Variants in TIAM2 observed in about 807,000 individuals in gnomAD.
The protein encoded by TIAM2 is rho guanine nucleotide exchange factor TIAM2.
TIAM2 carries 80 observed loss-of-function variants against 152.9 expected under a neutral mutation model. That is an observed-to-expected ratio of 0.52 (90% CI 0.44 to 0.63). The LOEUF (loss-of-function observed/expected upper bound fraction) is 0.63, where lower values mean the gene tolerates loss of function less well. TIAM2 is among the 30% of genes least tolerant of loss of function. TIAM2 has a pLI of 0.00. For missense variants in TIAM2, 1,965 were observed against 2,120.1 expected, an observed-to-expected ratio of 0.93 and a Z score of 1.44; for synonymous variants, 804 against 838.0, an observed-to-expected ratio of 0.96 and a Z score of 0.70.
At chr6:155,038,208 G>A (rs1334489335) in intron 1 of TIAM2, among the ~76,000 whole-genome samples, 1 of 152,166 alleles carries the variant, frequency 6.6e-6, no homozygotes, top group Non-Finnish European at 1.5e-5. Flanking sequence ...GCTTTCCTAA[G>A]CCTTCTCGCC....
intron 1 of TIAM2, among the ~76,000 whole-genome samples, chr6:155,065,602 AC>A (rs1400048431): frequency 1.3e-5 from 2 of 151,892 alleles, no homozygotes; most frequent in African/African-American, 4.8e-5. Context: ...ACGTGGCAAA[AC>A]CCCGTCTCTA....
intron 1 of TIAM2, among the ~76,000 whole-genome samples, chr6:155,088,124 C>T (rs1305392213): frequency 6.9e-6 from 1 of 144,306 alleles, no homozygotes; most frequent in African/African-American, 2.6e-5. Context: ...GGCATGATCT[C>T]GTTCACTGCA....
intron 11 of TIAM2, 40 bp downstream of exon 11, chr6:155,179,183 A>G: frequency 2.6e-6 from 4 of 1,547,084 alleles, no homozygotes; most frequent in Middle Eastern, 3.4e-4. Flanking sequence ...ACTGAACCAC[A>G]TCTATGGCCC....
At chr6:155,025,894 G>C in intron 1 of TIAM2, among the ~76,000 whole-genome samples, 1 of 143,876 alleles carries the variant, frequency 7.0e-6, no homozygotes, top group African/African-American at 2.6e-5. Context: ...AAGAAGGGAA[G>C]GAAACATTTG....
intron 2 of TIAM2, among the ~76,000 whole-genome samples, chr6:155,114,281 C>T (rs995513596): frequency 6.6e-6 from 1 of 151,556 alleles, no homozygotes. Flanking sequence ...TCTCAAATTC[C>T]TAATCTCAAG....
chr6:155,023,129 A>G (rs1562292663), intron 1 of TIAM2, among the ~76,000 whole-genome samples: 1 of 150,486 alleles, frequency 6.6e-6, no homozygotes. Flanking sequence ...GAAATCTGCA[A>G]TCCTTTCCTT....
chr6:155,025,050 G>A (rs1265045333), intron 1 of TIAM2, among the ~76,000 whole-genome samples: 1 of 152,042 alleles, frequency 6.6e-6, no homozygotes, highest in East Asian at 1.9e-4. Context: ...TTTTAGAGAC[G>A]GAGTCTGGCT....
At chr6:155,052,223 C>T (rs1012442559) in intron 1 of TIAM2, among the ~76,000 whole-genome samples, 44 of 151,930 alleles carry the variant, frequency 2.9e-4, no homozygotes, top group African/African-American at 1.0e-3. Context: ...CATGAAGATG[C>T]AAAACAAAAA....
At chr6:155,095,736 A>G (rs981577569) in intron 2 of TIAM2, among the ~76,000 whole-genome samples, 2 of 152,220 alleles carry the variant, frequency 1.3e-5, no homozygotes, top group Non-Finnish European at 2.9e-5. Flanking sequence ...TAAACTTATT[A>G]GGAATCTTCC....
intron 1 of TIAM2, among the ~76,000 whole-genome samples, chr6:155,086,718 A>AAC (rs1489681186): frequency 6.7e-5 from 10 of 149,756 alleles, no homozygotes; most frequent in Admixed American, 6.7e-5. Context: ...GAAAAAAAAA[A>AAC]AAAAAACCCC....
At chr6:155,012,570 A>T (rs1778506982) in intron 1 of TIAM2, among the ~76,000 whole-genome samples, 1 of 152,102 alleles carries the variant, frequency 6.6e-6, no homozygotes, top group Non-Finnish European at 1.5e-5. Context: ...TATTTTTTTG[A>T]GACGGAGTCT....
intron 15 of TIAM2, among the ~76,000 whole-genome samples, chr6:155,215,019 C>T (rs1781818263): frequency 6.6e-6 from 1 of 152,136 alleles, no homozygotes; most frequent in Non-Finnish European, 1.5e-5. Context: ...GTTAAGTGTG[C>T]CTGTGGGGGC....
Position 155,176,868 on chromosome 6 carries a change from A to G in TIAM2, c.2414A>G (p.Asp805Gly). Residue 805 changes from aspartate to glycine, a missense_variant, in exon 10 of 27, where the codon GAC (aspartate) becomes GGC (glycine). By Grantham distance (94) the Asp-to-Gly change is moderately conservative. This residue lies in a region of TIAM2 where 1,025 missense variants were observed against 1,119.4 expected (regional missense o/e 0.92). Transcript: ENST00000682666. ...TCAACAGTAGACGGTGTTCCCCGAGACAATGCATGGGAAATCCAGACTTAT... is the reference window on the plus strand; with the variant it reads ...TCAACAGTAGACGGTGTTCCCCGAGGCAATGCATGGGAAATCCAGACTTAT... ...YGSTVDGVPR[D>G]NAWEIQTYVH... 1.2e-6 allele frequency: 2 copies of G among 1,614,162 alleles called. No individual in the cohort carries two copies. The highest frequency in any genetic ancestry group is 2.2e-5 in the East Asian group (1 of 44,894).
intron 15 of TIAM2, among the ~76,000 whole-genome samples, chr6:155,236,595 A>G (rs750333626): frequency 3.9e-5 from 6 of 152,132 alleles, no homozygotes; most frequent in Non-Finnish European, 7.4e-5. Flanking sequence ...CCCGGGAGGC[A>G]GAGGTTGCAG....
intron 7 of TIAM2, among the ~76,000 whole-genome samples, chr6:155,162,004 CTGGACTGCAA>C (rs1216529689): frequency 6.6e-6 from 1 of 152,094 alleles, no homozygotes; most frequent in Admixed American, 6.6e-5. Flanking sequence ...GTCACCCAGG[CTGGACTGCAA>C]TGGCGTGATC....
rs1209955510 is a variant in TIAM2 at position 155,038,498 on chromosome 6, G to A, written c.-209+43006G>A. 2.6e-5 allele frequency among the ~76,000 whole-genome samples: 4 copies of A among 152,260 alleles called. No individual in the cohort carries two copies. The South Asian group carries it at 6.2e-4, about 24-fold the overall frequency. On this transcript the variant is annotated intron_variant, in intron 1 of 26. Transcript: ENST00000682666. ...CAGAGAAGGTGCTGCGCCAAGCACT[G>A]TGTGCGTGCTCCCTTTGCTTTCGGT...
chr6:155,151,828 CT>C (rs5881122), intron 7 of TIAM2, among the ~76,000 whole-genome samples: 7 of 144,472 alleles, frequency 4.8e-5, no homozygotes, highest in Non-Finnish European at 7.5e-5. Flanking sequence ...TCTATAGAAT[CT>C]TTTTTTTTTC....
intron 1 of TIAM2, among the ~76,000 whole-genome samples, chr6:155,024,974 A>C (rs570541459): frequency 3.2e-4 from 48 of 152,316 alleles, no homozygotes; most frequent in South Asian, 2.5e-3. Flanking sequence ...GTTATTTAGC[A>C]TTCCATAGAA....
chr6:155,183,419 C>G lies in TIAM2; in HGVS notation c.2983C>G (p.Gln995Glu). The G allele has an allele frequency of 6.2e-7, 1 of 1,614,182 alleles. No individual in the cohort carries two copies. Among genetic ancestry groups the G allele is most frequent in the South Asian group, 1.1e-5 (1 of 91,084 alleles). Residue 995 changes from glutamine to glutamate, a missense_variant, in exon 14 of 27, where the codon CAG becomes GAG. Physicochemically the swap from Gln to Glu is conservative, Grantham distance 29. Around this residue, in one of 3 missense-constraint regions of TIAM2, gnomAD observed 935 missense variants for 980.0 expected, o/e 0.95. Transcript: ENST00000682666. ...AGACAGTGACCTGTTCTCCAGGGAC[C>G]AGAAGAGTCTGCTGCCCCCTCCTAA... The part of the protein sequence containing the change: ...WSDSDLFSRD[Q>E]KSLLPPPNQS...
Sources: allele counts gnomAD v4.1 joint callset (sites outside exome capture counted in the v4.1 genomes callset), GRCh38; gene constraint gnomAD v4.1.1; regional missense constraint gnomAD v4.1.1; transcripts MANE v1.5; gene names NCBI Gene and HGNC (gene_info 2026-07-23, HGNC 2026-07-21).